The following TTC28 variants were observed in gnomAD, a reference collection of about 807,000 sequenced individuals.
TTC28 encodes tetratricopeptide repeat domain 28, also known as tetratricopeptide repeat protein 28.
In TTC28, 61 loss-of-function variants were observed where a neutral mutation model predicts 198.0. The observed-to-expected ratio is 0.31, with a 90% CI of 0.25 to 0.38. TTC28 has a LOEUF of 0.38. Among genes scored for constraint, TTC28 ranks in the 10% least tolerant of loss-of-function variants. The pLI, the probability that TTC28 is intolerant of heterozygous loss-of-function variation, is 1.00. For synonymous variants in TTC28, 1,171 were observed against 1,297.8 expected (o/e 0.90, Z 2.10); for missense variants, 2,678 against 3,164.0 (o/e 0.85, Z 3.69).
At chr22:28,502,867 A>G (rs750743969) in intron 2 of TTC28, among the ~76,000 whole-genome samples, 1 of 152,154 alleles carries the variant, frequency 6.6e-6, no homozygotes, top group Non-Finnish European at 1.5e-5. Context: ...ATTAATAAAA[A>G]TTCATCATCA....
At chr22:28,087,666 A>C (rs892515682) in intron 12 of TTC28, among the ~76,000 whole-genome samples, 16 of 152,192 alleles carry the variant, frequency 1.1e-4, no homozygotes, top group Non-Finnish European at 2.1e-4. Context: ...GGCCAGGGCA[A>C]TCAGGCAGGA....
At position 28,121,176 on chromosome 22, in the gene TTC28, T is replaced by C. The variant is rs74775049; in HGVS notation, c.1442-12773A>G. Among the ~76,000 whole-genome samples the C allele has an allele frequency of 3.4e-3, 518 of 152,306 alleles. 5 individuals are homozygous for C. The highest frequency in any genetic ancestry group is 0.011 in the African/African-American group (477 of 41,564). On this transcript the variant is annotated intron_variant, in intron 6 of 22. Transcript: ENST00000397906. The stretch of plus-strand genomic sequence containing the variant: ...AACATGTTTTCCTAGAAAGCTCTTG[T>C]AATCCACTTTAAATCTGAAACCCCA...
At chr22:28,168,976 G>GA (rs1266627787) in intron 5 of TTC28, among the ~76,000 whole-genome samples, 2 of 151,908 alleles carry the variant, frequency 1.3e-5, no homozygotes, top group East Asian at 1.9e-4. Context: ...AAATTTACAA[G>GA]AAAAAAACAA....
intron 13 of TTC28, among the ~76,000 whole-genome samples, chr22:28,015,717 C>T (rs2146588197): frequency 6.6e-6 from 1 of 152,180 alleles, no homozygotes; most frequent in African/African-American, 2.4e-5. Flanking sequence ...TGAGACACCA[C>T]ACCCCACCAT....
chr22:28,391,422 T>C lies in TTC28; in HGVS notation c.382-84779A>G, dbSNP rs1419982345. Among the ~76,000 whole-genome samples, 3 of 152,242 alleles carry C rather than the reference T, an allele frequency of 2.0e-5. No homozygotes were observed. In the East Asian group the frequency reaches 5.8e-4, roughly 29 times the overall value. On this transcript the variant is annotated intron_variant, in intron 2 of 22. Transcript: ENST00000397906. ...AGACTGGGGAAGTTCTCCTGGATGA[T>C]ATCCTGCAGAGTGTTTTCCAACTTG...
intron 2 of TTC28, among the ~76,000 whole-genome samples, chr22:28,559,058 C>T (rs975188924): frequency 1.3e-5 from 2 of 151,800 alleles, no homozygotes; most frequent in East Asian, 1.9e-4. Flanking sequence ...GAGAGAATTT[C>T]GGTTTATTTA....
At chr22:28,110,095 T>G (rs1942441860) in intron 6 of TTC28, among the ~76,000 whole-genome samples, 1 of 152,154 alleles carries the variant, frequency 6.6e-6, no homozygotes, top group African/African-American at 2.4e-5. Context: ...GAGAGCACAC[T>G]GAGTGAAAAG....
intron 1 of TTC28, among the ~76,000 whole-genome samples, chr22:28,636,459 T>A (rs897590328): frequency 3.9e-5 from 6 of 152,200 alleles, no homozygotes; most frequent in African/African-American, 1.4e-4. Flanking sequence ...GCATTTTTTT[T>A]ATTCATTCAT....
chr22:27,995,682 G>A (rs1937538875), intron 17 of TTC28, among the ~76,000 whole-genome samples: 1 of 152,164 alleles, frequency 6.6e-6, no homozygotes, highest in Non-Finnish European at 1.5e-5. Flanking sequence ...ACCTTGAACT[G>A]TTCAACTTTT....
Position 28,297,702 on chromosome 22 carries a change from G to A in TTC28, c.680C>T (p.Thr227Ile). 7 of 1,551,694 alleles carry A rather than the reference G, an allele frequency of 4.5e-6. No individual in the cohort carries two copies. The highest frequency in any genetic ancestry group is 6.1e-6 in the Non-Finnish European group (7 of 1,147,006). ...VVLEAALKIG[T>I]CSLKLRGSVF... ...AGAACCTCTCAGTTTGAGGCTGCAG[G>A]TGCCAATCTTCAGTGCGGCTTCTAA... The change falls in exon 4 of 23, where the codon ACC becomes ATC. Residue 227 changes from threonine (T) to isoleucine (I), a missense_variant. Coordinates refer to ENST00000397906, the MANE Select transcript of TTC28 (RefSeq NM_001145418.2).
At chr22:28,182,100 TC>T (rs1194905255) in intron 5 of TTC28, among the ~76,000 whole-genome samples, 3 of 152,182 alleles carry the variant, frequency 2.0e-5, no homozygotes. Flanking sequence ...TAGGATTATT[TC>T]TGGAAATTTA....
chr22:28,392,485 A>G (rs2046744106), intron 2 of TTC28, among the ~76,000 whole-genome samples: 1 of 152,190 alleles, frequency 6.6e-6, no homozygotes, highest in African/African-American at 2.4e-5. Context: ...TGTGCTAGCA[A>G]TCAGGGAGAC....
At chr22:28,535,336 C>T (rs532439043) in intron 2 of TTC28, among the ~76,000 whole-genome samples, 3 of 152,262 alleles carry the variant, frequency 2.0e-5, no homozygotes, top group South Asian at 2.1e-4. Flanking sequence ...CAGAGGCCTA[C>T]TTTGTGCTCC....
intron 5 of TTC28, among the ~76,000 whole-genome samples, chr22:28,193,362 G>A (rs1199883401): frequency 6.6e-6 from 1 of 152,126 alleles, no homozygotes; most frequent in Non-Finnish European, 1.5e-5. Flanking sequence ...TTGATGCTAG[G>A]AAGAAACTGC....
At chr22:28,154,330 TTTTTC>T (rs1259630214) in intron 6 of TTC28, among the ~76,000 whole-genome samples, 422 of 140,748 alleles carry the variant, frequency 3.0e-3, no homozygotes, top group African/African-American at 6.8e-3. Flanking sequence ...CATTTTTTTT[TTTTTC>T]TTTTCTTTTC....
intron 2 of TTC28, among the ~76,000 whole-genome samples, chr22:28,468,592 T>G (rs902874975): frequency 3.3e-5 from 5 of 151,834 alleles, no homozygotes; most frequent in African/African-American, 1.2e-4. Flanking sequence ...TGCAAGCTGT[T>G]GGCCCACTGC....
chr22:28,187,689 C>T (rs189845773), intron 5 of TTC28, among the ~76,000 whole-genome samples: 1 of 152,304 alleles, frequency 6.6e-6, no homozygotes, highest in Non-Finnish European at 1.5e-5. Context: ...CAGCATTAAA[C>T]ACGTGTTAGG....
chr22:28,530,159 T>C (rs554967737), intron 2 of TTC28, among the ~76,000 whole-genome samples: 2 of 152,002 alleles, frequency 1.3e-5, no homozygotes, highest in Non-Finnish European at 2.9e-5. Context: ...CTAAAAACCT[T>C]GAAAAAAGAT....
intron 5 of TTC28, among the ~76,000 whole-genome samples, chr22:28,170,417 A>G (rs1922547289): frequency 6.6e-6 from 1 of 151,108 alleles, no homozygotes; most frequent in South Asian, 2.1e-4. Context: ...TGAACCCAGG[A>G]GGCAGAGCTT....
Sources: allele counts gnomAD v4.1 joint callset (sites outside exome capture counted in the v4.1 genomes callset), GRCh38; gene constraint gnomAD v4.1.1; transcripts MANE v1.5; gene names NCBI Gene and HGNC (gene_info 2026-07-23, HGNC 2026-07-21).